Variants in EPB41L5 observed in about 807,000 individuals in gnomAD.
EPB41L5 encodes band 4.1-like protein 5.
Under a neutral mutation model 106.6 loss-of-function variants are expected in EPB41L5, and 55 were observed. The ratio of observed to expected loss-of-function variants is 0.52; its 90% CI spans 0.42 to 0.65. The LOEUF is 0.65. EPB41L5 is among the 30% of genes least tolerant of loss of function. EPB41L5 has a pLI of 0.00. For synonymous variants in EPB41L5, 297 were observed against 306.7 expected, an observed-to-expected ratio of 0.97 and a Z score of 0.33; for missense variants, 871 against 882.1, an observed-to-expected ratio of 0.99 and a Z score of 0.16.
chr2:120,157,307 A>G (rs1686942676), intron 20 of EPB41L5, among the ~76,000 whole-genome samples: 1 of 152,198 alleles, frequency 6.6e-6, no homozygotes, highest in Non-Finnish European at 1.5e-5. Context: ...AGGGAAATTT[A>G]TAGCACTAAA....
chr2:120,054,873 T>TC, intron 3 of EPB41L5, among the ~76,000 whole-genome samples: 1 of 150,988 alleles, frequency 6.6e-6, no homozygotes, highest in East Asian at 1.9e-4. Flanking sequence ...CACTTTTTTT[T>TC]TTTTTTTTTT....
At chr2:120,030,578 G>A (rs1678639435) in intron 2 of EPB41L5, among the ~76,000 whole-genome samples, 1 of 152,178 alleles carries the variant, frequency 6.6e-6, no homozygotes, top group Non-Finnish European at 1.5e-5. Context: ...TATTGAGGCG[G>A]AGTCTGGCTC....
At chr2:120,115,811 C>CGTTAT (rs527403774) in intron 16 of EPB41L5, among the ~76,000 whole-genome samples, 8 of 151,388 alleles carry the variant, frequency 5.3e-5, no homozygotes, top group Non-Finnish European at 7.4e-5. Context: ...CGTTACGTTA[C>CGTTAT]GTTATGTTAT....
rs111608412 is a variant in EPB41L5, at chr2:120,165,237, C to T, written c.1962+327C>T. Among the ~76,000 whole-genome samples, 1,054 of 152,134 alleles carry T rather than the reference C, an allele frequency of 6.9e-3. 8 individuals carry two copies. Among genetic ancestry groups the T allele is most frequent in the Middle Eastern group, 0.058 (17 of 294 alleles). On this transcript the variant is annotated intron_variant, in intron 22 of 24. Transcript: ENST00000263713. The stretch of plus-strand genomic sequence containing the variant: ...AAAAAGTTTTATAGAAAGATGAGAG[C>T]GTAAGAATGGCATTGAACATATCAA...
chr2:120,157,768 CAAAAAAAA>C (rs200155407), intron 20 of EPB41L5, among the ~76,000 whole-genome samples: 1 of 79,574 alleles, frequency 1.3e-5, no homozygotes, highest in Non-Finnish European at 2.6e-5. Context: ...GACCCTGTCT[CAAAAAAAA>C]AAAAAAAAAA....
chr2:120,016,355 G>A lies in EPB41L5; in HGVS notation c.-8-2722G>A, dbSNP rs1415000332. 5.3e-5 allele frequency among the ~76,000 whole-genome samples: 8 copies of A among 152,058 alleles called. No homozygotes were observed. In the East Asian group the frequency reaches 5.8e-4, roughly 11 times the overall value. ...CAAGGCAAGAGAATCTCTTGAACCCGGCAGGTGGAGGTTGCAGTGAGCCGA... is the reference window on the plus strand; with the variant it reads ...CAAGGCAAGAGAATCTCTTGAACCCAGCAGGTGGAGGTTGCAGTGAGCCGA... On this transcript the variant is annotated intron_variant, in intron 1 of 24. Transcript: ENST00000263713.
Position 120,076,762 on chromosome 2 carries a change from T to C in EPB41L5, c.506-209T>C, listed in dbSNP as rs996985816. The stretch of plus-strand genomic sequence containing the variant: ...GTGTGAATACATTAAGAGAAAGATA[T>C]GTAATTAAAAATACACTACCAAAAA... On this transcript the variant is annotated intron_variant, in intron 7 of 24. Coordinates refer to ENST00000263713, the MANE Select transcript of EPB41L5 (RefSeq NM_020909.4). Among the ~76,000 whole-genome samples, 42 of 152,168 alleles carry C rather than the reference T, an allele frequency of 2.8e-4. 1 individual carries two copies. The highest frequency in any genetic ancestry group is 8.2e-4 in the African/African-American group (34 of 41,458).
At chr2:120,041,566 C>T (rs1466018111) in intron 2 of EPB41L5, among the ~76,000 whole-genome samples, 1 of 152,108 alleles carries the variant, frequency 6.6e-6, no homozygotes, top group Non-Finnish European at 1.5e-5. Flanking sequence ...ATTGATTATT[C>T]TAGTTTCTGT....
intron 11 of EPB41L5, among the ~76,000 whole-genome samples, chr2:120,087,896 C>G (rs922330372): frequency 1.3e-5 from 2 of 152,184 alleles, no homozygotes; most frequent in Non-Finnish European, 2.9e-5. Context: ...TTAATTGATA[C>G]ATGCTTGGAT....
At chr2:120,081,268 C>T (rs1682641088) in intron 10 of EPB41L5, among the ~76,000 whole-genome samples, 1 of 152,172 alleles carries the variant, frequency 6.6e-6, no homozygotes, top group South Asian at 2.1e-4. Context: ...TTTAATCCAT[C>T]TTGAATTGAT....
At chr2:120,169,477 A>G (rs984033183) in intron 24 of EPB41L5, among the ~76,000 whole-genome samples, 1 of 152,222 alleles carries the variant, frequency 6.6e-6, no homozygotes, top group African/African-American at 2.4e-5. Context: ...TCTTACAGGA[A>G]AAAAATCACT....
At chr2:120,100,383 T>C (rs1574666871) in intron 15 of EPB41L5, 97 bp downstream of exon 15, 1 of 1,133,576 alleles carries the variant, frequency 8.8e-7, no homozygotes, top group South Asian at 1.4e-5. Flanking sequence ...TATGTAACCC[T>C]GCACAAATTA....
rs567296901 is a variant in EPB41L5, at chr2:120,165,042, C to T, written c.1962+132C>T. ...TTGATAAGAGTTTATGTTTTAATAA[C>T]CACTTAGCATTGCCTCTCTGTCCTA... is the stretch of plus-strand genomic sequence containing the variant. On this transcript the variant is annotated intron_variant, in intron 22 of 24. Coordinates refer to ENST00000263713, the MANE Select transcript of EPB41L5 (RefSeq NM_020909.4). The T allele has an allele frequency of 7.6e-4, 493 of 650,856 alleles. 2 individuals are homozygous for T. Among genetic ancestry groups the T allele is most frequent in the Non-Finnish European group, 1.2e-3 (462 of 388,604 alleles). 40.3% of individuals were successfully genotyped at this position (650,856 alleles called of 1,614,324 possible). A position where few individuals can be genotyped will look rare whatever the true frequency, so the allele number is the denominator to read the frequency against.
intron 16 of EPB41L5, chr2:120,105,933 A>G (rs888744741): frequency 6.1e-6 from 6 of 985,272 alleles, no homozygotes; most frequent in Admixed American, 6.1e-5. Context: ...TACTGTTTCT[A>G]TAGTAAAAAC....
intron 3 of EPB41L5, among the ~76,000 whole-genome samples, chr2:120,067,994 G>T (rs1237400678): frequency 6.6e-6 from 1 of 152,188 alleles, no homozygotes; most frequent in East Asian, 1.9e-4. Flanking sequence ...CTGGCAAGAT[G>T]GCCGAATAGG....
intron 18 of EPB41L5, among the ~76,000 whole-genome samples, chr2:120,132,196 A>G (rs907072424): frequency 1.3e-5 from 2 of 152,182 alleles, no homozygotes; most frequent in Non-Finnish European, 1.5e-5. Flanking sequence ...TCAAGCTTCA[A>G]TTTATAGTTT....
chr2:120,164,439 T>C (rs192891082), intron 21 of EPB41L5, among the ~76,000 whole-genome samples: 29 of 152,270 alleles, frequency 1.9e-4, no homozygotes, highest in Non-Finnish European at 3.2e-4. Context: ...CTCAAACTCC[T>C]GGGCTCAAGG....
chr2:120,014,668 G>C (rs1010297849), intron 1 of EPB41L5, among the ~76,000 whole-genome samples: 1 of 151,984 alleles, frequency 6.6e-6, no homozygotes, highest in Non-Finnish European at 1.5e-5. Flanking sequence ...GTGGAAGAGA[G>C]GTCAACTGGA....
rs769335110 is a variant in EPB41L5 at position 120,041,963 on chromosome 2, T to TTATAAACCA, written c.181-42_181-34dup. On this transcript the variant is annotated intron_variant, in intron 2 of 24. Transcript: ENST00000263713. ...CTTCTTTTGTTCAGGCTTGTTGATC[T>TTATAAACCA]TATAAACCACTTATTGATTTACTTA... 9 of 1,461,532 alleles carry TTATAAACCA rather than the reference T, an allele frequency of 6.2e-6. No individual in the cohort carries two copies. In the African/African-American group the frequency reaches 9.8e-5, roughly 16 times the overall value. The allele number at this position is 1,461,532 out of a possible 1,614,324, so 90.5% of individuals were successfully genotyped here.
Sources: allele counts gnomAD v4.1 joint callset (sites outside exome capture counted in the v4.1 genomes callset), GRCh38; gene constraint gnomAD v4.1.1; transcripts MANE v1.5; gene names NCBI Gene and HGNC (gene_info 2026-07-23, HGNC 2026-07-21).